Variants in SYNE2 observed in about 807,000 individuals in gnomAD.
SYNE2 encodes the protein nesprin-2.
SYNE2 carries 431 observed loss-of-function variants against 856.3 expected under a neutral mutation model. That is an observed-to-expected ratio of 0.50 (90% CI 0.47 to 0.55). The LOEUF (loss-of-function observed/expected upper bound fraction) is 0.55, where lower values mean the gene tolerates loss of function less well. Ranked by LOEUF, SYNE2 falls within the 20% of genes least tolerant of loss-of-function variation. SYNE2 has a pLI of 0.00. For missense variants in SYNE2, 8,129 were observed against 8,023.2 expected (o/e 1.01, Z -0.50); for synonymous variants, 2,923 against 2,872.3 (o/e 1.02, Z -0.56).
At chr14:63,856,963 T>G (rs1891944146) in intron 1 of SYNE2, among the ~76,000 whole-genome samples, 1 of 152,014 alleles carries the variant, frequency 6.6e-6, no homozygotes, top group Non-Finnish European at 1.5e-5. Context: ...AGAGAAGAGG[T>G]CTCACCATGT....
At chr14:63,996,909 C>T in intron 23 of SYNE2, 38 bp from the exon 24 acceptor site, 1 of 1,589,462 alleles carries the variant, frequency 6.3e-7, no homozygotes, top group East Asian at 2.2e-5. Context: ...CATGTAAACT[C>T]ACCAGAAGCA....
At chr14:64,107,656 A>T (rs1420840435) in intron 65 of SYNE2, 49 bp downstream of exon 65, 4 of 1,415,768 alleles carry the variant, frequency 2.8e-6, no homozygotes, top group Non-Finnish European at 3.0e-6. Context: ...CTGGACTAGC[A>T]CCTAGAGATG....
intron 1 of SYNE2, among the ~76,000 whole-genome samples, chr14:63,863,055 C>T (rs1456638828): frequency 6.6e-6 from 1 of 152,094 alleles, no homozygotes; most frequent in Non-Finnish European, 1.5e-5. Context: ...GCCTCAGCCT[C>T]CGAAAATGCT....
intron 1 of SYNE2, among the ~76,000 whole-genome samples, chr14:63,893,761 G>T (rs1247516433): frequency 6.6e-6 from 1 of 152,190 alleles, no homozygotes; most frequent in Non-Finnish European, 1.5e-5. Context: ...ACAGGGCCAG[G>T]GTAGGCTCAG....
chr14:63,822,286 A>G (rs1179801773), intron 1 of SYNE2, among the ~76,000 whole-genome samples: 1 of 152,216 alleles, frequency 6.6e-6, no homozygotes, highest in Non-Finnish European at 1.5e-5. Context: ...GTAGCTTTTA[A>G]GTTACACTAT....
rs114036750 is a variant in SYNE2, at chr14:63,957,357, C to T, written c.787+2442C>T. 5.9e-3 allele frequency among the ~76,000 whole-genome samples: 877 copies of T among 149,550 alleles called. 14 individuals are homozygous for T. The highest frequency in any genetic ancestry group is 0.021 in the African/African-American group (839 of 40,776). ...GATCTTGGCTCACCGCAGCTTCCAT[C>T]TCCTTGGTTCAAGTGATTCTCCTGC... On this transcript the variant is annotated intron_variant, in intron 8 of 115. Transcript: ENST00000555002.
At chr14:64,211,238 A>T (rs2098639538) in intron 103 of SYNE2, among the ~76,000 whole-genome samples, 1 of 152,190 alleles carries the variant, frequency 6.6e-6, no homozygotes, top group Admixed American at 6.5e-5. Flanking sequence ...TTGGCCTCCC[A>T]AAGTGCTGGG....
Position 64,181,788 on chromosome 14 carries a change from G to A in SYNE2, c.17556+4305G>A, listed in dbSNP as rs562849110. ...AAAATTATATTCCCACTACAGCCAC[G>A]TTGAGGAATGGAATAATTTCCTTAC... is the stretch of plus-strand genomic sequence containing the variant. On this transcript the variant is annotated intron_variant, in intron 96 of 115. Coordinates refer to ENST00000555002, the MANE Select transcript of SYNE2 (RefSeq NM_182914.3). Among the ~76,000 whole-genome samples, 9 of 152,230 alleles carry A rather than the reference G, an allele frequency of 5.9e-5. 1 individual carries two copies. Among genetic ancestry groups the A allele is most frequent in the African/African-American group, 9.6e-5 (4 of 41,544 alleles).
rs79710084 is a variant in SYNE2 at position 63,952,200 on chromosome 14, C to T, written c.590+2194C>T. Among the ~76,000 whole-genome samples, 164 of 152,220 alleles carry T rather than the reference C, an allele frequency of 1.1e-3. 2 individuals carry two copies. In the East Asian group the frequency reaches 0.015, roughly 14 times the overall value. On this transcript the variant is annotated intron_variant, in intron 7 of 115. Transcript: ENST00000555002. ...TCCACCCTCTAAGGTCTGGCAGCAC[C>T]GTCTTTGTGGTATTGGCTTTGGCTC...
At position 64,075,877 on chromosome 14, in the gene SYNE2, C is replaced by T. The variant is rs1350605967; in HGVS notation, c.10867-68C>T. 7.0e-6 allele frequency: 11 copies of T among 1,568,664 alleles called. No individual in the cohort carries two copies. In the East Asian group the frequency reaches 2.5e-4, roughly 35 times the overall value. ...ATCATAAGGATGTGCTGGAAGGCTG[C>T]TTTCACTTTTTAGAATTAAACTTTT... is the stretch of plus-strand genomic sequence containing the variant. On this transcript the variant is annotated intron_variant, in intron 53 of 115. Coordinates refer to ENST00000555002, the MANE Select transcript of SYNE2 (RefSeq NM_182914.3).
In SYNE2 at chr14:64,152,556, T is replaced by A. The variant is rs1445778370; in HGVS notation, c.15640-8T>A. On this transcript the variant is annotated splice_polypyrimidine_tract_variant and splice_region_variant and intron_variant, in intron 84 of 115. Transcript: ENST00000555002. ...TGCATTGAAAACCTTTTCCTCTTAC[T>A]CTTCCAGGATATAGAAAATCAACTT... The A allele has an allele frequency of 1.2e-6, 2 of 1,613,836 alleles. No homozygotes were observed. The highest frequency in any genetic ancestry group is 2.7e-5 in the African/African-American group (2 of 74,950).
intron 60 of SYNE2, among the ~76,000 whole-genome samples, chr14:64,092,525 T>C (rs2097632371): frequency 2.0e-5 from 3 of 152,216 alleles, no homozygotes; most frequent in Non-Finnish European, 4.4e-5. Context: ...TAGTTATTCA[T>C]TTCCAGCCTA....
chr14:63,948,792 A>ATGTGTGTGTGTG (rs1208508583), intron 6 of SYNE2, among the ~76,000 whole-genome samples: 1 of 95,904 alleles, frequency 1.0e-5, no homozygotes, highest in African/African-American at 5.4e-5. Context: ...GTATATATAT[A>ATGTGTGTGTGTG]TATATATATA....
At chr14:64,121,160 T>C in intron 68 of SYNE2, 99 bp downstream of exon 68, 1 of 1,536,970 alleles carries the variant, frequency 6.5e-7, no homozygotes, top group Non-Finnish European at 8.9e-7. Context: ...GAGGCTGAGG[T>C]GGGAGGATCA....
Position 64,026,707 on chromosome 14 carries a change from C to T in SYNE2, c.6381C>T (p.Leu2127=), listed in dbSNP as rs1293504177. 3 of 1,610,706 alleles carry T rather than the reference C, an allele frequency of 1.9e-6. No homozygotes were observed. Among genetic ancestry groups the T allele is most frequent in the African/African-American group, 1.3e-5 (1 of 74,888 alleles). The change falls in exon 42 of 116, where the codon CTC becomes CTT. Residue 2127 remains leucine (L), a synonymous_variant. Coordinates refer to ENST00000555002, the MANE Select transcript of SYNE2 (RefSeq NM_182914.3). ...TCAGCAACCAGTGGGACAACACACT[C>T]CATTTAGCTAGCACCTACCTAAGGT... ...TDISNQWDNT[L]HLASTYLSHQ...
Position 64,083,247 on chromosome 14 carries a change from T to A in SYNE2, c.11484+1667T>A, listed in dbSNP as rs1484696460. Among the ~76,000 whole-genome samples the A allele has an allele frequency of 4.6e-5, 7 of 152,248 alleles. No individual in the cohort carries two copies. In the East Asian group the frequency reaches 1.4e-3, roughly 29 times the overall value. On this transcript the variant is annotated intron_variant, in intron 57 of 115. Coordinates refer to ENST00000555002, the MANE Select transcript of SYNE2 (RefSeq NM_182914.3). ...TTTTCTTCCCCTTGCTTGTGATTTTTTTTGCCTTCCCCCACTTGGATTAAC... is the reference window on the plus strand; with the variant it reads ...TTTTCTTCCCCTTGCTTGTGATTTTATTTGCCTTCCCCCACTTGGATTAAC...
chr14:64,096,497 T>A (rs1272614988), intron 61 of SYNE2, among the ~76,000 whole-genome samples: 1 of 152,190 alleles, frequency 6.6e-6, no homozygotes, highest in Admixed American at 6.5e-5. Flanking sequence ...CTACTCTGTT[T>A]GTGTTATCCT....
intron 7 of SYNE2, among the ~76,000 whole-genome samples, chr14:63,954,321 T>C (rs2096211928): frequency 6.6e-6 from 1 of 152,196 alleles, no homozygotes; most frequent in Non-Finnish European, 1.5e-5. Flanking sequence ...AAGGCAGACT[T>C]AAGCCAACAG....
upstream of SYNE2, among the ~76,000 whole-genome samples, chr14:63,761,859 G>A (rs1029782944): frequency 6.6e-6 from 1 of 152,172 alleles, no homozygotes; most frequent in South Asian, 2.1e-4. Context: ...ACCTCTCCCA[G>A]AGTCAGGCGT....
Sources: gnomAD v4.1 joint callset for allele counts (sites outside exome capture counted in the v4.1 genomes callset) on GRCh38, gnomAD v4.1.1 for gene constraint, MANE v1.5 for transcripts, NCBI Gene and HGNC (gene_info 2026-07-23, HGNC 2026-07-21) for gene names.